Variants in CARMIL1 observed in about 807,000 individuals in gnomAD.
The protein encoded by CARMIL1 is F-actin-uncapping protein LRRC16A.
In CARMIL1, 90 loss-of-function variants were observed where a neutral mutation model predicts 177.1. The observed-to-expected ratio is 0.51, with a 90% CI of 0.43 to 0.61. The LOEUF (loss-of-function observed/expected upper bound fraction) is 0.61. CARMIL1 is among the 20% of genes least tolerant of loss of function. CARMIL1 has a pLI of 0.00. For synonymous variants in CARMIL1, 577 were observed against 606.2 expected, an observed-to-expected ratio of 0.95 and a Z score of 0.71; for missense variants, 1,380 against 1,667.0, an observed-to-expected ratio of 0.83 and a Z score of 3.00.
chr6:25,508,805 G>A (rs893722135), intron 17 of CARMIL1, among the ~76,000 whole-genome samples: 4 of 152,100 alleles, frequency 2.6e-5, no homozygotes, highest in Non-Finnish European at 5.9e-5. Flanking sequence ...GAGCAAAAGG[G>A]CCACAGCTTA....
At chr6:25,426,875 A>G (rs1352993326) in intron 4 of CARMIL1, among the ~76,000 whole-genome samples, 1 of 152,214 alleles carries the variant, frequency 6.6e-6, no homozygotes, top group African/African-American at 2.4e-5. Context: ...GTATAGTACT[A>G]TATAAGGGCT....
At chr6:25,345,314 T>C (rs1008997107) in intron 2 of CARMIL1, among the ~76,000 whole-genome samples, 2 of 152,204 alleles carry the variant, frequency 1.3e-5, no homozygotes, top group African/African-American at 4.8e-5. Context: ...TAATTCCTTA[T>C]CGCTCCAAAC....
At chr6:25,489,771 A>C (rs1400239673) in intron 13 of CARMIL1, among the ~76,000 whole-genome samples, 1 of 152,150 alleles carries the variant, frequency 6.6e-6, no homozygotes, top group Non-Finnish European at 1.5e-5. Context: ...AATTATTTAA[A>C]TAATACTTGA....
chr6:25,486,201 AT>A (rs963211196), intron 12 of CARMIL1, among the ~76,000 whole-genome samples: 2 of 151,894 alleles, frequency 1.3e-5, no homozygotes, highest in African/African-American at 2.4e-5. Flanking sequence ...AAGAGCCTTG[AT>A]TTTTTTTCAA....
At chr6:25,619,315 G>A in intron 36 of CARMIL1, 132 bp from the exon 37 acceptor site, 1 of 749,928 alleles carries the variant, frequency 1.3e-6, no homozygotes, top group Admixed American at 3.1e-5. Context: ...TAGCAAGTTT[G>A]TTTCTGAGAA....
chr6:25,571,460 A>G (rs996112597), intron 29 of CARMIL1, among the ~76,000 whole-genome samples: 3 of 152,178 alleles, frequency 2.0e-5, no homozygotes, highest in African/African-American at 4.8e-5. Flanking sequence ...GAAAGTTATA[A>G]TTTTGCAGTT....
chr6:25,300,576 G>T (rs1455212414), intron 2 of CARMIL1, among the ~76,000 whole-genome samples: 1 of 152,212 alleles, frequency 6.6e-6, no homozygotes, highest in Non-Finnish European at 1.5e-5. Context: ...TTGAACTCGG[G>T]AGGTAGAGGT....
chr6:25,327,211 C>G (rs1334259432), intron 2 of CARMIL1, among the ~76,000 whole-genome samples: 2 of 151,948 alleles, frequency 1.3e-5, no homozygotes. Context: ...GGCAAAGGAC[C>G]AAGCTGGAAG....
intron 2 of CARMIL1, among the ~76,000 whole-genome samples, chr6:25,399,094 A>G (rs1331023357): frequency 6.6e-6 from 1 of 152,202 alleles, no homozygotes; most frequent in Non-Finnish European, 1.5e-5. Context: ...AGGAAGAGCT[A>G]TTATGAACTA....
intron 2 of CARMIL1, among the ~76,000 whole-genome samples, chr6:25,317,449 T>A (rs1784362019): frequency 6.6e-6 from 1 of 151,950 alleles, no homozygotes; most frequent in South Asian, 2.1e-4. Flanking sequence ...TAAATGCTTT[T>A]ATTTAGTGAG....
intron 2 of CARMIL1, among the ~76,000 whole-genome samples, chr6:25,290,904 G>A (rs1781906728): frequency 6.6e-6 from 1 of 152,130 alleles, no homozygotes; most frequent in African/African-American, 2.4e-5. Context: ...CTTGAACTGA[G>A]CCTTGCCCAG....
At chr6:25,433,697 A>T (rs150366471) in intron 4 of CARMIL1, among the ~76,000 whole-genome samples, 3 of 152,256 alleles carry the variant, frequency 2.0e-5, no homozygotes, top group East Asian at 1.9e-4. Context: ...AGGAATTTTA[A>T]TTTTTTTATG....
Position 25,513,495 on chromosome 6 carries a change from A to T in CARMIL1, c.1633-2180A>T, listed in dbSNP as rs143446722. On this transcript the variant is annotated intron_variant, in intron 20 of 36. Transcript: ENST00000329474. ...TTTACCATAAATGTATTAACTTTGA[A>T]AGCCATGGTATATTTGGATGATAAG... Among the ~76,000 whole-genome samples the T allele has an allele frequency of 5.2e-3, 794 of 152,306 alleles. 1 individual carries two copies. The highest frequency in any genetic ancestry group is 8.6e-3 in the Non-Finnish European group (588 of 68,014).
chr6:25,465,890 T>C lies in CARMIL1; in HGVS notation c.632T>C (p.Ile211Thr), dbSNP rs373436740. 6.2e-7 allele frequency: 1 copy of C among 1,612,322 alleles called. No homozygotes were observed. The highest frequency in any genetic ancestry group is 1.3e-5 in the African/African-American group (1 of 74,898). ...GCTTCCAGGGACCTAATACCTATCA[T>C]TGCTGCTCTGGAATATAATCAGTGG... ...HLDHRDLIPI[I>T]AALEYNQWFT... Residue 211 changes from isoleucine (I) to threonine (T), a missense_variant, in exon 9 of 37, where the codon ATT becomes ACT. Ile to Thr is a moderately conservative substitution (Grantham distance 89). Coordinates refer to ENST00000329474, the MANE Select transcript of CARMIL1 (RefSeq NM_017640.6).
chr6:25,522,187 C>T (rs549886992), intron 23 of CARMIL1, among the ~76,000 whole-genome samples: 6 of 152,204 alleles, frequency 3.9e-5, no homozygotes. Flanking sequence ...ATTGTTGTCA[C>T]ATTTGCCTCC....
intron 9 of CARMIL1, among the ~76,000 whole-genome samples, chr6:25,470,025 A>G (rs1198599356): frequency 6.6e-6 from 1 of 152,220 alleles, no homozygotes; most frequent in Non-Finnish European, 1.5e-5. Flanking sequence ...GTTATAAGTT[A>G]CTCATTTTAA....
chr6:25,290,188 C>T (rs916542711), intron 2 of CARMIL1, among the ~76,000 whole-genome samples: 1 of 151,966 alleles, frequency 6.6e-6, no homozygotes, highest in East Asian at 1.9e-4. Context: ...CTCAATCTCC[C>T]AGGCTTAAGT....
At chr6:25,595,604 A>AC (rs957372414) in intron 32 of CARMIL1, among the ~76,000 whole-genome samples, 8 of 149,750 alleles carry the variant, frequency 5.3e-5, no homozygotes, top group East Asian at 2.0e-4. Context: ...TGCTCCTCCC[A>AC]CCCCCCCGAA....
rs576932700 is a variant in CARMIL1 at position 25,476,823 on chromosome 6, G to A, written c.874+4302G>A. The stretch of plus-strand genomic sequence containing the variant: ...GAAATACAAGGGCCTGGGCGCGGTG[G>A]CTCACGACTGTAATCCCAGCACTTT... On this transcript the variant is annotated intron_variant, in intron 11 of 36. Transcript: ENST00000329474. Among the ~76,000 whole-genome samples, 7 of 152,210 alleles carry A rather than the reference G, an allele frequency of 4.6e-5. No homozygotes were observed. In the South Asian group the frequency reaches 1.5e-3, roughly 32 times the overall value.
Sources: allele counts gnomAD v4.1 joint callset (sites outside exome capture counted in the v4.1 genomes callset), GRCh38; gene constraint gnomAD v4.1.1; transcripts MANE v1.5; gene names NCBI Gene and HGNC (gene_info 2026-07-23, HGNC 2026-07-21).